Variants in FBXW8 observed in about 807,000 individuals in gnomAD.
FBXW8 encodes F-box and WD repeat domain containing 8.
Under a neutral mutation model 65.3 loss-of-function variants are expected in FBXW8, and 57 were observed. That is an observed-to-expected ratio of 0.87 (90% confidence interval 0.71 to 1.09). The LOEUF is 1.09. Among genes scored for constraint, FBXW8 ranks in the 50% least tolerant of loss-of-function variants. FBXW8 has a pLI of 0.00. For synonymous variants in FBXW8, 308 were observed against 330.2 expected, an observed-to-expected ratio of 0.93 and a Z score of 0.73; for missense variants, 777 against 814.8, an observed-to-expected ratio of 0.95 and a Z score of 0.57.
In FBXW8 at chr12:116,975,945, T is replaced by C. The variant is rs1884900433; in HGVS notation, c.836-9261T>C. ...TATGCTGGTAAGAGGACAGGTTAAA[T>C]GCAAATAAAATCTGTAGATTAAATA... On this transcript the variant is annotated intron_variant, in intron 5 of 10. Transcript: ENST00000652555. Among the ~76,000 whole-genome samples the C allele has an allele frequency of 1.3e-5, 2 of 152,236 alleles. 1 individual carries two copies. The highest frequency in any genetic ancestry group is 1.3e-4 in the Admixed American group (2 of 15,284).
chr12:116,961,060 A>T lies in FBXW8; in HGVS notation c.678-3637A>T, dbSNP rs1479194880. Among the ~76,000 whole-genome samples, 1 of 152,170 alleles carries T rather than the reference A, an allele frequency of 6.6e-6. No individual in the cohort carries two copies. The highest frequency in any genetic ancestry group is 2.4e-5 in the African/African-American group (1 of 41,438). ...CTGGGAGGCTGGAATGCAGTGGCACAATCTCGGCTCACTGCAACCTCCACC... is the reference window on the plus strand; with the variant it reads ...CTGGGAGGCTGGAATGCAGTGGCACTATCTCGGCTCACTGCAACCTCCACC... On this transcript the variant is annotated intron_variant, in intron 4 of 10. Transcript: ENST00000652555. The surrounding 1 kb of genome is among the most constrained non-coding windows in gnomAD (Gnocchi z 4.4).
chr12:116,993,511 C>T (rs1485887261), intron 7 of FBXW8, among the ~76,000 whole-genome samples: 6 of 152,058 alleles, frequency 3.9e-5, no homozygotes, highest in Non-Finnish European at 5.9e-5. Context: ...TTGTTTCTTA[C>T]GTTTGTTGGC....
chr12:117,024,460 C>T (rs1227620863), intron 9 of FBXW8, 140 bp downstream of exon 9: 2 of 933,370 alleles, frequency 2.1e-6, no homozygotes, highest in African/African-American at 1.6e-5. Flanking sequence ...ACCCTAGGAG[C>T]CAGCTGCTGT....
At chr12:116,956,491 A>AT (rs1883657471) in intron 4 of FBXW8, among the ~76,000 whole-genome samples, 1 of 152,194 alleles carries the variant, frequency 6.6e-6, no homozygotes, top group Non-Finnish European at 1.5e-5. Context: ...TCTGAGCCCC[A>AT]TTCATACACC....
intron 1 of FBXW8, among the ~76,000 whole-genome samples, chr12:116,925,252 G>A (rs1289804176): frequency 6.6e-6 from 1 of 152,076 alleles, no homozygotes; most frequent in Non-Finnish European, 1.5e-5. Context: ...GGTGGGAGGG[G>A]ATGCAACCTG....
intron 5 of FBXW8, among the ~76,000 whole-genome samples, chr12:116,967,399 T>G (rs916191946): frequency 2.0e-5 from 3 of 152,250 alleles, no homozygotes; most frequent in Admixed American, 6.5e-5. Context: ...AGGGTGGCCC[T>G]GGGGTGAGGT....
intron 5 of FBXW8, among the ~76,000 whole-genome samples, chr12:116,971,909 T>TTG (rs1229561097): frequency 6.6e-6 from 1 of 152,208 alleles, no homozygotes; most frequent in East Asian, 1.9e-4. Context: ...TTTAGGAATC[T>TTG]ACAAGCCCTC....
chr12:116,993,556 A>T (rs539693255), intron 7 of FBXW8, among the ~76,000 whole-genome samples: 1 of 151,934 alleles, frequency 6.6e-6, no homozygotes, highest in Non-Finnish European at 1.5e-5. Context: ...ATATCTGTTC[A>T]TGTCATTTGC....
At chr12:116,965,486 C>T (rs1388188748) in intron 5 of FBXW8, among the ~76,000 whole-genome samples, 4 of 152,116 alleles carry the variant, frequency 2.6e-5, no homozygotes, top group Non-Finnish European at 4.4e-5. Context: ...ATTTCAATGG[C>T]CATGATATCC....
intron 4 of FBXW8, among the ~76,000 whole-genome samples, chr12:116,957,239 C>T (rs552967837): frequency 1.3e-5 from 2 of 152,054 alleles, no homozygotes; most frequent in East Asian, 1.9e-4. Context: ...CTCAGCTACT[C>T]GGGTGGCTGA....
chr12:117,008,282 C>G (rs1953725121), intron 7 of FBXW8, among the ~76,000 whole-genome samples: 1 of 152,196 alleles, frequency 6.6e-6, no homozygotes, highest in Non-Finnish European at 1.5e-5. Context: ...CAGAATACTA[C>G]TTTTATAATA....
chr12:117,004,623 C>T (rs1308186630), intron 7 of FBXW8, among the ~76,000 whole-genome samples: 2 of 152,156 alleles, frequency 1.3e-5, no homozygotes, highest in South Asian at 2.1e-4. Flanking sequence ...TTTTCCACCC[C>T]GAACTGAACC....
intron 7 of FBXW8, among the ~76,000 whole-genome samples, chr12:117,008,198 C>T (rs967938433): frequency 1.3e-5 from 2 of 152,128 alleles, no homozygotes; most frequent in East Asian, 1.9e-4. Flanking sequence ...AACATTCTAC[C>T]GACTTAAAGG....
chr12:116,997,783 G>A (rs1165499543), intron 7 of FBXW8, among the ~76,000 whole-genome samples: 1 of 152,176 alleles, frequency 6.6e-6, no homozygotes, highest in Non-Finnish European at 1.5e-5. Flanking sequence ...CTGCTTCACA[G>A]GATTCACTTT....
In FBXW8 at chr12:117,028,119, A is replaced by C. The variant is rs778839147; in HGVS notation, c.1744A>C (p.Met582Leu). 3 of 1,614,026 alleles carry C rather than the reference A, an allele frequency of 1.9e-6. No homozygotes were observed. Residue 582 changes from methionine to leucine, a missense_variant, in exon 11 of 11, where the codon ATG becomes CTG. Transcript: ENST00000652555. The surrounding 1 kb of genome is among the most constrained non-coding windows in gnomAD (Gnocchi z 4.1). ...LPVCRSSCDA[M>L]ATHYYDLALA... ...TGTCTGCCGTTCATCCTGTGACGCC[A>C]TGGCCACTCACTACTACGACCTCGC...
In FBXW8 at chr12:116,954,111, C is replaced by CA. The variant is rs59747365; in HGVS notation, c.677+4428dup. 1.3e-3 allele frequency among the ~76,000 whole-genome samples: 135 copies of CA among 100,556 alleles called. 1 individual carries two copies. The highest frequency in any genetic ancestry group is 2.5e-3 in the African/African-American group (68 of 27,406). The allele number at this position is 100,556 out of a possible 152,430, so 66.0% of individuals were successfully genotyped here. On this transcript the variant is annotated intron_variant, in intron 4 of 10. Coordinates refer to ENST00000652555, the MANE Select transcript of FBXW8 (RefSeq NM_153348.3). ...CCTGGGCGACAGGGCGACTCTGTCT[C>CA]AAAAAAAAAAAAAAAAAAAAAAAGA...
At chr12:116,934,380 T>C (rs1882010487) in intron 2 of FBXW8, among the ~76,000 whole-genome samples, 1 of 152,214 alleles carries the variant, frequency 6.6e-6, no homozygotes, top group South Asian at 2.1e-4. Flanking sequence ...GCAAAGTTAC[T>C]TGTTGGACAG....
At chr12:116,996,071 A>G (rs1592938752) in intron 7 of FBXW8, among the ~76,000 whole-genome samples, 1 of 152,234 alleles carries the variant, frequency 6.6e-6, no homozygotes, top group East Asian at 1.9e-4. Context: ...GGCCTCATAA[A>G]GGAAGAGAGA....
intron 7 of FBXW8, among the ~76,000 whole-genome samples, chr12:117,009,024 G>A (rs1213568215): frequency 2.0e-5 from 3 of 152,026 alleles, no homozygotes; most frequent in Non-Finnish European, 4.4e-5. Flanking sequence ...CCAAGATCGC[G>A]GCCACTGCAC....
Sources: gnomAD v4.1 joint callset for allele counts (sites outside exome capture counted in the v4.1 genomes callset) on GRCh38, gnomAD v4.1.1 for gene constraint, Gnocchi (gnomAD v3.1) non-coding constraint, MANE v1.5 for transcripts, NCBI Gene and HGNC (gene_info 2026-07-23, HGNC 2026-07-21) for gene names.